Variants in PCDHA5 observed in about 807,000 individuals in gnomAD.
The protein encoded by PCDHA5 is protocadherin alpha-5.
Under a neutral mutation model 61.6 loss-of-function variants are expected in PCDHA5, and 43 were observed. The ratio of observed to expected loss-of-function variants is 0.70; its 90% CI spans 0.55 to 0.90. PCDHA5 has a LOEUF of 0.90. Among genes scored for constraint, PCDHA5 ranks in the 40% least tolerant of loss-of-function variants. The probability of loss-of-function intolerance (pLI) is 0.00; values close to 1 mark genes in which losing one functional copy is unlikely to be tolerated. For synonymous variants in PCDHA5, 627 were observed against 543.9 expected (o/e 1.15, Z -2.13); for missense variants, 1,298 against 1,222.7 (o/e 1.06, Z -0.92).
intron 1 of PCDHA5, among the ~76,000 whole-genome samples, chr5:140,897,588 T>C (rs1554187466): frequency 6.6e-6 from 1 of 152,172 alleles, no homozygotes; most frequent in African/African-American, 2.4e-5. Flanking sequence ...CAGTCTGTCA[T>C]TGTTGGACAT....
chr5:140,949,924 AT>A (rs144693243), intron 1 of PCDHA5, among the ~76,000 whole-genome samples: 8,382 of 151,404 alleles, frequency 0.055, 277 homozygotes, highest in Non-Finnish European at 0.077. Context: ...CTATTTTTAG[AT>A]TTTTTTTAAT....
intron 1 of PCDHA5, chr5:140,825,029 A>C (rs1043200115): frequency 2.6e-5 from 4 of 152,092 alleles, no homozygotes; most frequent in Non-Finnish European, 4.4e-5. Context: ...AAAAGAATAC[A>C]GTTAAATTTT....
Position 140,824,053 on chromosome 5 carries a change from G to A in PCDHA5, c.2278G>A (p.Gly760Arg). ...SQQRRQRVCS[G>R]EAPPKTDLMA... ...GCAGAGGAGACAGAGGGTGTGCTCT[G>A]GGGAAGCTCCACCCAAAACAGACCT... is the stretch of plus-strand genomic sequence containing the variant. The change falls in exon 1 of 4, where the codon GGG becomes AGG. Residue 760 changes from glycine (G) to arginine (R), a missense_variant. By Grantham distance (125) the Gly-to-Arg change is moderately radical. Transcript: ENST00000529859. The A allele has an allele frequency of 6.2e-7, 1 of 1,614,172 alleles. No individual in the cohort carries two copies. The highest frequency in any genetic ancestry group is 8.5e-7 in the Non-Finnish European group (1 of 1,180,034).
chr5:140,836,263 A>T, intron 1 of PCDHA5: 3 of 1,613,768 alleles, frequency 1.9e-6, no homozygotes, highest in Non-Finnish European at 2.5e-6. Flanking sequence ...GTGGGGCTGT[A>T]CACTGGTGAG....
At chr5:141,001,509 G>A (rs1025738776) in intron 3 of PCDHA5, among the ~76,000 whole-genome samples, 3 of 152,212 alleles carry the variant, frequency 2.0e-5, no homozygotes, top group Non-Finnish European at 4.4e-5. Context: ...GGTGGGCTTA[G>A]CTTTCTCCCT....
At position 140,875,993 on chromosome 5, in the gene PCDHA5, T is replaced by G. The variant is rs574636926; in HGVS notation, c.2352+51866T>G. On this transcript the variant is annotated intron_variant, in intron 1 of 3. Coordinates refer to ENST00000529859, the MANE Select transcript of PCDHA5 (RefSeq NM_018908.3). The stretch of plus-strand genomic sequence containing the variant: ...TCTCTTTTGACCTATGCGTTAAGTC[T>G]AAATGAGAATTTTGAGCTTAAAATA... The G allele has an allele frequency of 3.5e-4, 564 of 1,613,988 alleles. 6 individuals are homozygous for G. In the South Asian group the frequency reaches 5.9e-3, roughly 17 times the overall value.
At chr5:140,834,279 T>C in intron 1 of PCDHA5, 4 of 1,100,284 alleles carry the variant, frequency 3.6e-6, no homozygotes, top group Non-Finnish European at 5.3e-6. Context: ...ACTCTTTGGA[T>C]GCACAACAAT....
chr5:140,887,722 T>C (rs1214089693), intron 1 of PCDHA5, among the ~76,000 whole-genome samples: 2 of 152,200 alleles, frequency 1.3e-5, no homozygotes, highest in Non-Finnish European at 2.9e-5. Context: ...AATAGTTTTT[T>C]CTTTCCTTCC....
At chr5:140,943,501 T>C (rs1235998322) in intron 1 of PCDHA5, among the ~76,000 whole-genome samples, 1 of 152,088 alleles carries the variant, frequency 6.6e-6, no homozygotes, top group Non-Finnish European at 1.5e-5. Flanking sequence ...GCTATCAAGG[T>C]TCATGGAAAT....
Position 140,856,120 on chromosome 5 carries a change from G to C in PCDHA5, c.2352+31993G>C, listed in dbSNP as rs782167466. 6 of 1,598,210 alleles carry C rather than the reference G, an allele frequency of 3.8e-6. 1 individual carries two copies. The highest frequency in any genetic ancestry group is 5.1e-6 in the Non-Finnish European group (6 of 1,167,784). On this transcript the variant is annotated intron_variant, in intron 1 of 3. Transcript: ENST00000529859. ...CGCTTCTTCTCCTCGCAGCCTGGGA[G>C]GTGGGGAGCGGCCAGCTCCACTACT...
intron 1 of PCDHA5, among the ~76,000 whole-genome samples, chr5:140,878,983 AGAAAT>A (rs2153364854): frequency 6.6e-6 from 1 of 152,352 alleles, no homozygotes; most frequent in Non-Finnish European, 1.5e-5. Flanking sequence ...CCTCTATCTT[AGAAAT>A]GAGAGTATGC....
At chr5:140,831,169 T>C (rs1771407400) in intron 1 of PCDHA5, 1 of 152,190 alleles carries the variant, frequency 6.6e-6, no homozygotes, top group Admixed American at 6.6e-5. Context: ...AATGGAAAAA[T>C]AGTGATTCAA....
At position 140,927,110 on chromosome 5, in the gene PCDHA5, G is replaced by T; in HGVS notation, c.2353-51839G>T. The T allele has an allele frequency of 3.7e-6, 6 of 1,613,752 alleles. No individual in the cohort carries two copies. The Middle Eastern group carries it at 8.3e-4, about 222-fold the overall frequency. On this transcript the variant is annotated intron_variant, in intron 1 of 3. Transcript: ENST00000529859. ...TACTTCGGGGTGGATCTACCCAGCG[G>T]CAATTTGGTGGTCAGAGAGCCGGCG...
intron 1 of PCDHA5, chr5:140,871,632 T>G (rs1554165792): frequency 7.2e-7 from 1 of 1,380,660 alleles, no homozygotes; most frequent in Non-Finnish European, 9.6e-7. Context: ...ACAATGTCTG[T>G]TCATAAAATA....
chr5:140,997,575 C>T (rs565835201), intron 3 of PCDHA5, among the ~76,000 whole-genome samples: 5 of 151,884 alleles, frequency 3.3e-5, no homozygotes, highest in East Asian at 3.9e-4. Context: ...ATGTGTGGTC[C>T]GTTGTTGACT....
At chr5:140,851,465 C>A in intron 1 of PCDHA5, 1 of 894,660 alleles carries the variant, frequency 1.1e-6, no homozygotes, top group Non-Finnish European at 1.4e-6. Flanking sequence ...CAAATTATGT[C>A]AATAAATGTT....
intron 1 of PCDHA5, among the ~76,000 whole-genome samples, chr5:140,950,430 A>T (rs1312660380): frequency 6.6e-6 from 1 of 151,876 alleles, no homozygotes; most frequent in Admixed American, 6.6e-5. Context: ...TCTTCCACTT[A>T]AAAAAAATGT....
At chr5:140,906,257 C>A (rs1394766953) in intron 1 of PCDHA5, among the ~76,000 whole-genome samples, 2 of 152,168 alleles carry the variant, frequency 1.3e-5, no homozygotes, top group Non-Finnish European at 2.9e-5. Flanking sequence ...ATACACACCT[C>A]CTGAAATTAT....
chr5:140,862,840 C>A (rs1434718417), intron 1 of PCDHA5: 1 of 573,790 alleles, frequency 1.7e-6, no homozygotes, highest in Non-Finnish European at 3.3e-6. Flanking sequence ...CGCGGGCATG[C>A]CGCCTCTGAG....
Sources: allele counts gnomAD v4.1 joint callset (sites outside exome capture counted in the v4.1 genomes callset), GRCh38; gene constraint gnomAD v4.1.1; transcripts MANE v1.5; gene names NCBI Gene and HGNC (gene_info 2026-07-23, HGNC 2026-07-21).